The following AGAP1 variants were observed in gnomAD, a reference collection of about 807,000 sequenced individuals.
AGAP1 encodes the protein ArfGAP with GTPase domain, ankyrin repeat and PH domain 1.
In AGAP1, 29 loss-of-function variants were observed where a neutral mutation model predicts 105.3. That is an observed-to-expected ratio of 0.28 (90% CI 0.21 to 0.38). The LOEUF (loss-of-function observed/expected upper bound fraction) is 0.38, where lower values mean the gene tolerates loss of function less well. Ranked by LOEUF, AGAP1 falls within the 10% of genes least tolerant of loss-of-function variation. The pLI is 1.00. For missense variants in AGAP1, 998 were observed against 1,165.1 expected, an observed-to-expected ratio of 0.86 and a Z score of 2.09; for synonymous variants, 509 against 485.9, an observed-to-expected ratio of 1.05 and a Z score of -0.63.
chr2:235,767,189 G>T (rs1955032347), intron 6 of AGAP1, among the ~76,000 whole-genome samples: 1 of 152,192 alleles, frequency 6.6e-6, no homozygotes, highest in South Asian at 2.1e-4. Flanking sequence ...GGGATTGCAG[G>T]TGTGAGTCAC....
chr2:235,756,721 T>C (rs546302719), intron 6 of AGAP1, among the ~76,000 whole-genome samples: 1 of 152,296 alleles, frequency 6.6e-6, no homozygotes, highest in South Asian at 2.1e-4. Flanking sequence ...TCCTGTCGGA[T>C]CAGCAGCAGC....
rs761052638 is a variant in AGAP1, at chr2:235,919,009, C to T, written c.1324+10103C>T. Among the ~76,000 whole-genome samples, 2 of 152,130 alleles carry T rather than the reference C, an allele frequency of 1.3e-5. No individual in the cohort carries two copies. The highest frequency in any genetic ancestry group is 2.4e-5 in the African/African-American group (1 of 41,422). On this transcript the variant is annotated intron_variant, in intron 11 of 17. Transcript: ENST00000304032. The surrounding 1 kb of genome is among the most constrained non-coding windows in gnomAD (Gnocchi z 4.1). ...TGTGCCTACAAGTAAATAAAAGGTG[C>T]TTCAAACACTTTTTTTCTCTCAAAA...
At chr2:235,512,100 T>A (rs62191526) in intron 1 of AGAP1, among the ~76,000 whole-genome samples, 5 of 85,768 alleles carry the variant, frequency 5.8e-5, no homozygotes, top group Non-Finnish European at 1.2e-4. Flanking sequence ...TGTGTGTGTG[T>A]GTGAATGTGT....
intron 6 of AGAP1, among the ~76,000 whole-genome samples, chr2:235,775,966 G>A (rs927872306): frequency 4.6e-5 from 7 of 152,248 alleles, no homozygotes; most frequent in South Asian, 2.1e-4. Context: ...ATGTGCAACC[G>A]CCAGCTTCTG....
chr2:235,516,196 C>G (rs1198366535), intron 1 of AGAP1, among the ~76,000 whole-genome samples: 1 of 152,088 alleles, frequency 6.6e-6, no homozygotes, highest in African/African-American at 2.4e-5. Flanking sequence ...GCACGTGGCT[C>G]CTCTTTTACA....
intron 1 of AGAP1, among the ~76,000 whole-genome samples, chr2:235,502,135 A>G (rs10204812): frequency 0.71 from 107,575 of 151,776 alleles, 38,155 homozygotes; most frequent in Admixed American, 0.76. Context: ...GTGATGACCC[A>G]TCAGAGGCAG....
At chr2:235,565,798 CT>C (rs1944328827) in intron 1 of AGAP1, among the ~76,000 whole-genome samples, 1 of 151,942 alleles carries the variant, frequency 6.6e-6, no homozygotes, top group Non-Finnish European at 1.5e-5. Flanking sequence ...GTAGTTGGAA[CT>C]ACAGGTGCAC....
Position 235,989,212 on chromosome 2 carries a change from G to GATATTTTT in AGAP1, c.1645+20590_1645+20597dup. ...GTGTCTTCCTTCTTCCCTGGAATTA[G>GATATTTTT]ATATTTTTCGTTCAAGCTGCTGACA... On this transcript the variant is annotated intron_variant, in intron 13 of 17. Coordinates refer to ENST00000304032, the MANE Select transcript of AGAP1 (RefSeq NM_001037131.3). This position sits in a 1 kb window ranked among gnomAD's most constrained non-coding sequence, Gnocchi z 4.4. 6.6e-6 allele frequency among the ~76,000 whole-genome samples: 1 copy of GATATTTTT among 152,308 alleles called. No individual in the cohort carries two copies.
rs1353654961 is a variant in AGAP1 at position 235,691,510 on chromosome 2, C to T, written c.164-17669C>T. ...CATTTAGTCGGATTCTGTGACTGGT[C>T]GTGAGTCCCTCTTCCTCCACACAGC... On this transcript the variant is annotated intron_variant, in intron 1 of 17. Transcript: ENST00000304032. The surrounding 1 kb of genome is among the most constrained non-coding windows in gnomAD (Gnocchi z 4.4). Among the ~76,000 whole-genome samples the T allele has an allele frequency of 2.0e-5, 3 of 152,244 alleles. No homozygotes were observed. Among genetic ancestry groups the T allele is most frequent in the East Asian group, 1.9e-4 (1 of 5,204 alleles).
At chr2:235,974,779 C>T (rs1205915308) in intron 13 of AGAP1, among the ~76,000 whole-genome samples, 2 of 152,202 alleles carry the variant, frequency 1.3e-5, no homozygotes, top group Admixed American at 6.5e-5. Flanking sequence ...CAAAGGAGAA[C>T]CTGAAATTGT....
intron 16 of AGAP1, among the ~76,000 whole-genome samples, chr2:236,075,713 T>C (rs1181313431): frequency 3.3e-5 from 5 of 152,260 alleles, no homozygotes; most frequent in African/African-American, 9.6e-5. Context: ...TTCCCAAACC[T>C]CACAGGCCTT....
At chr2:236,068,973 A>G (rs1658889802) in intron 16 of AGAP1, among the ~76,000 whole-genome samples, 1 of 151,408 alleles carries the variant, frequency 6.6e-6, no homozygotes, top group Non-Finnish European at 1.5e-5. Context: ...CTAAAAATAC[A>G]AAAATTAGCT....
rs1036826305 is a variant in AGAP1 at position 235,931,387 on chromosome 2, A to C, written c.1483+464A>C. Among the ~76,000 whole-genome samples, 1 of 152,076 alleles carries C rather than the reference A, an allele frequency of 6.6e-6. No individual in the cohort carries two copies. Among genetic ancestry groups the C allele is most frequent in the African/African-American group, 2.4e-5 (1 of 41,410 alleles). ...TCCAGAATTCCTGGTGTACCCTCTA[A>C]ATTCTGGAGTCCCCTTTGTAATCCT... is the stretch of plus-strand genomic sequence containing the variant. On this transcript the variant is annotated intron_variant, in intron 12 of 17. Transcript: ENST00000304032. This position sits in a 1 kb window ranked among gnomAD's most constrained non-coding sequence, Gnocchi z 5.6.
In AGAP1 at chr2:235,631,259, A is replaced by G. The variant is rs1946821376; in HGVS notation, c.164-77920A>G. Among the ~76,000 whole-genome samples, 7 of 152,236 alleles carry G rather than the reference A, an allele frequency of 4.6e-5. No individual in the cohort carries two copies. ...GAATGCTGTCAGATCCCAGGGTAACAAAAGGGTGGTGTCCCCTAAAGGCTT... is the reference window on the plus strand; with the variant it reads ...GAATGCTGTCAGATCCCAGGGTAACGAAAGGGTGGTGTCCCCTAAAGGCTT... On this transcript the variant is annotated intron_variant, in intron 1 of 17. Transcript: ENST00000304032. This position sits in a 1 kb window ranked among gnomAD's most constrained non-coding sequence, Gnocchi z 5.4.
Position 235,792,776 on chromosome 2 carries a change from C to G in AGAP1, c.674-4983C>G, listed in dbSNP as rs899915600. On this transcript the variant is annotated intron_variant, in intron 6 of 17. Transcript: ENST00000304032. This position sits in a 1 kb window ranked among gnomAD's most constrained non-coding sequence, Gnocchi z 5.3. The stretch of plus-strand genomic sequence containing the variant: ...AGGCTGGGCGGCGCGGACTTGAAGG[C>G]GCCTCTAGCAGATCCAAGGGGAGAT... Among the ~76,000 whole-genome samples the G allele has an allele frequency of 6.6e-6, 1 of 152,106 alleles. No individual in the cohort carries two copies. Among genetic ancestry groups the G allele is most frequent in the South Asian group, 2.1e-4 (1 of 4,826 alleles).
intron 6 of AGAP1, among the ~76,000 whole-genome samples, chr2:235,762,024 G>A (rs534986272): frequency 7.3e-5 from 11 of 150,840 alleles, no homozygotes; most frequent in South Asian, 2.1e-4. Context: ...CAGGAGAATC[G>A]ATTGAACCCA....
At chr2:235,902,891 T>C (rs2051134007) in intron 10 of AGAP1, among the ~76,000 whole-genome samples, 1 of 152,224 alleles carries the variant, frequency 6.6e-6, no homozygotes, top group South Asian at 2.1e-4. Context: ...GTAGCACTTC[T>C]TTTTTTAAGT....
At chr2:235,722,999 T>C (rs1406167260) in intron 3 of AGAP1, among the ~76,000 whole-genome samples, 1 of 152,154 alleles carries the variant, frequency 6.6e-6, no homozygotes, top group Non-Finnish European at 1.5e-5. Flanking sequence ...TTAGAGAAGC[T>C]TGGTTTAGAC....
intron 1 of AGAP1, among the ~76,000 whole-genome samples, chr2:235,650,931 G>A (rs767810090): frequency 6.6e-6 from 1 of 152,074 alleles, no homozygotes; most frequent in Non-Finnish European, 1.5e-5. Context: ...TATAATCCCA[G>A]CACTTTGGGA....
Sources: gnomAD v4.1 joint callset for allele counts (sites outside exome capture counted in the v4.1 genomes callset) on GRCh38, gnomAD v4.1.1 for gene constraint, Gnocchi (gnomAD v3.1) non-coding constraint, MANE v1.5 for transcripts, NCBI Gene and HGNC (gene_info 2026-07-23, HGNC 2026-07-21) for gene names.